AKAP10: variants seen among roughly 807,000 people sequenced by gnomAD.
AKAP10 encodes A-kinase anchoring protein 10.
AKAP10 carries 24 observed loss-of-function variants against 80.8 expected under a neutral mutation model. The observed-to-expected ratio is 0.30, with a 90% CI of 0.22 to 0.42. The LOEUF is 0.42. Among genes scored for constraint, AKAP10 ranks in the 10% least tolerant of loss-of-function variants. AKAP10 has a pLI of 1.00. For missense variants in AKAP10, 661 were observed against 794.9 expected, an observed-to-expected ratio of 0.83 and a Z score of 2.03; for synonymous variants, 291 against 277.7, an observed-to-expected ratio of 1.05 and a Z score of -0.48.
At chr17:19,908,650 T>A (rs971626572) in intron 14 of AKAP10, among the ~76,000 whole-genome samples, 1 of 151,724 alleles carries the variant, frequency 6.6e-6, no homozygotes, top group Non-Finnish European at 1.5e-5. Context: ...GAACTTTGAT[T>A]TTTTTTTTGA....
At chr17:19,960,022 G>A (rs894305228) in intron 3 of AKAP10, among the ~76,000 whole-genome samples, 11 of 152,092 alleles carry the variant, frequency 7.2e-5, no homozygotes, top group Admixed American at 7.2e-4. Flanking sequence ...TGGGGCAGGC[G>A]GATCACTAGA....
intron 2 of AKAP10, among the ~76,000 whole-genome samples, chr17:19,967,234 T>A (rs2043431433): frequency 6.6e-6 from 1 of 152,160 alleles, no homozygotes; most frequent in Admixed American, 6.6e-5. Flanking sequence ...ATAAAATCAG[T>A]GAGTAATACA....
At chr17:19,964,630 GCCTGTAATC>G (rs1008761493) in intron 2 of AKAP10, among the ~76,000 whole-genome samples, 1 of 151,584 alleles carries the variant, frequency 6.6e-6, no homozygotes, top group Non-Finnish European at 1.5e-5. Context: ...AGTGGTTCAC[GCCTGTAATC>G]CCAGAACTTT....
rs191051492 is a variant in AKAP10, at chr17:19,959,157, C to A, written c.320-586G>T. 2.7e-3 allele frequency among the ~76,000 whole-genome samples: 406 copies of A among 151,946 alleles called. 15 individuals are homozygous for A. In the East Asian group the frequency reaches 0.074, roughly 28 times the overall value. On this transcript the variant is annotated intron_variant, in intron 3 of 14. Coordinates refer to ENST00000225737, the MANE Select transcript of AKAP10 (RefSeq NM_007202.4). ...CGTGAGCCACTGCGCCCAGCCCAGA[C>A]TACATAAATTCTTAAGAAAAAAAAC...
At chr17:19,906,290 T>C in intron 14 of AKAP10, 58 bp from the exon 15 acceptor site, 1 of 1,567,276 alleles carries the variant, frequency 6.4e-7, no homozygotes, top group Admixed American at 1.7e-5. Context: ...AGTGACCTAT[T>C]ATTACAAATT....
chr17:19,975,492 C>T (rs1478861718), intron 1 of AKAP10, among the ~76,000 whole-genome samples: 1 of 152,198 alleles, frequency 6.6e-6, no homozygotes, highest in East Asian at 1.9e-4. Context: ...CTAGTTACCT[C>T]CTACTGATCC....
intron 2 of AKAP10, among the ~76,000 whole-genome samples, chr17:19,965,250 G>A (rs1188598357): frequency 3.3e-5 from 5 of 152,096 alleles, no homozygotes; most frequent in Admixed American, 1.3e-4. Context: ...ACTGTTATCT[G>A]TTTACTTGCC....
intron 10 of AKAP10, among the ~76,000 whole-genome samples, chr17:19,926,063 A>G (rs1467255298): frequency 1.3e-5 from 2 of 152,196 alleles, no homozygotes; most frequent in African/African-American, 2.4e-5. Flanking sequence ...TCAGATACAA[A>G]ATCTTCAACA....
intron 10 of AKAP10, among the ~76,000 whole-genome samples, chr17:19,927,847 T>C (rs1411202187): frequency 6.6e-6 from 1 of 151,016 alleles, no homozygotes; most frequent in African/African-American, 2.4e-5. Context: ...GAGGCAGAGG[T>C]TGCAGTGAGC....
In AKAP10 at chr17:19,921,666, T is replaced by C. The variant is rs897991645; in HGVS notation, c.1752-1548A>G. Among the ~76,000 whole-genome samples, 7 of 151,794 alleles carry C rather than the reference T, an allele frequency of 4.6e-5. 1 individual carries two copies. Among genetic ancestry groups the C allele is most frequent in the African/African-American group, 1.2e-4 (5 of 41,394 alleles). Reference sequence around the variant, plus strand: ...GCCTGGGCAACATAGTGAGACTTCATTTCATTTTTTTTCAAAAATTTTTTC... The same window carrying C: ...GCCTGGGCAACATAGTGAGACTTCACTTCATTTTTTTTCAAAAATTTTTTC... On this transcript the variant is annotated intron_variant, in intron 11 of 14. Transcript: ENST00000225737.
chr17:19,932,061 T>G, intron 9 of AKAP10, 83 bp from the exon 10 acceptor site: 1 of 1,266,618 alleles, frequency 7.9e-7, no homozygotes, highest in Non-Finnish European at 1.1e-6. Context: ...TTACCTATAA[T>G]TCTACTGGTT....
intron 1 of AKAP10, among the ~76,000 whole-genome samples, 167 bp from the exon 2 acceptor site, chr17:19,968,628 T>A (rs2043454592): frequency 1.3e-5 from 2 of 152,214 alleles, no homozygotes; most frequent in Non-Finnish European, 2.9e-5. Flanking sequence ...AAGGCTTCTC[T>A]AAGGAAGTGA....
chr17:19,909,992 A>G lies in AKAP10; in HGVS notation c.1835-14T>C. On this transcript the variant is annotated splice_polypyrimidine_tract_variant and intron_variant, in intron 12 of 14. Transcript: ENST00000225737. ...AGAACATGGATCCTAGTAAACAAAG[A>G]CAAAATTGAATGTACATTTCATGCA... 1 of 1,612,534 alleles carries G rather than the reference A, an allele frequency of 6.2e-7. No individual in the cohort carries two copies. Among genetic ancestry groups the G allele is most frequent in the East Asian group, 2.2e-5 (1 of 44,836 alleles).
chr17:19,957,917 T>A lies in AKAP10; in HGVS notation c.877+97A>T, dbSNP rs548170335. 3 of 1,315,404 alleles carry A rather than the reference T, an allele frequency of 2.3e-6. No homozygotes were observed. The East Asian group carries it at 7.0e-5, about 31-fold the overall frequency. The allele number at this position is 1,315,404 out of a possible 1,614,324, so 81.5% of individuals were successfully genotyped here. On this transcript the variant is annotated intron_variant, in intron 4 of 14. Coordinates refer to ENST00000225737, the MANE Select transcript of AKAP10 (RefSeq NM_007202.4). ...ACAAGTAGTTAGAGGAGAAAAAAAA[T>A]ATTCCAATCATTTTATTCCTCATCT...
At chr17:19,931,075 G>A (rs1405276630) in intron 10 of AKAP10, among the ~76,000 whole-genome samples, 6 of 152,138 alleles carry the variant, frequency 3.9e-5, no homozygotes, top group Non-Finnish European at 2.9e-5. Context: ...TCAGGAGGCT[G>A]TGGTGGGTGG....
chr17:19,924,585 T>C (rs931781481), intron 10 of AKAP10, 68 bp from the exon 11 acceptor site: 9 of 1,003,484 alleles, frequency 9.0e-6, no homozygotes, highest in Non-Finnish European at 1.1e-5. Context: ...TGTGACAGAT[T>C]TGTACAAAAT....
At chr17:19,923,659 T>C (rs1044294463) in intron 11 of AKAP10, among the ~76,000 whole-genome samples, 2 of 152,122 alleles carry the variant, frequency 1.3e-5, no homozygotes, top group African/African-American at 4.8e-5. Flanking sequence ...CCCAAGTAGC[T>C]GGGACTACAG....
intron 9 of AKAP10, among the ~76,000 whole-genome samples, chr17:19,935,010 T>TC (rs1448479227): frequency 1.4e-5 from 2 of 144,820 alleles, no homozygotes; most frequent in African/African-American, 2.5e-5. Context: ...AAACTCTGTC[T>TC]CAATCAATCA....
chr17:19,916,102 C>G (rs2042739545), intron 12 of AKAP10, among the ~76,000 whole-genome samples: 1 of 152,194 alleles, frequency 6.6e-6, no homozygotes, highest in African/African-American at 2.4e-5. Context: ...GTTCCTTTCA[C>G]CAAGAACACT....
Sources: gnomAD v4.1 joint callset for allele counts (sites outside exome capture counted in the v4.1 genomes callset) on GRCh38, gnomAD v4.1.1 for gene constraint, MANE v1.5 for transcripts, NCBI Gene and HGNC (gene_info 2026-07-23, HGNC 2026-07-21) for gene names.